APELA: variants seen among roughly 807,000 people sequenced by gnomAD.
APELA encodes the protein protein Elabela.
At chr4:164,889,072 C>T (rs539154732) in intron 2 of APELA, among the ~76,000 whole-genome samples, 4 of 151,946 alleles carry the variant, frequency 2.6e-5, no homozygotes, top group Middle Eastern at 3.4e-3. Context: ...GACGTGATCT[C>T]GCCTCACTGC....
chr4:164,879,692 G>A (rs1730623606), intron 2 of APELA, among the ~76,000 whole-genome samples: 2 of 152,154 alleles, frequency 1.3e-5, no homozygotes, highest in African/African-American at 2.4e-5. Flanking sequence ...TGATCCACCC[G>A]CCTTGGCCTT....
intron 2 of APELA, among the ~76,000 whole-genome samples, chr4:164,892,140 A>G (rs958827911): frequency 1.3e-5 from 2 of 152,024 alleles, no homozygotes; most frequent in Non-Finnish European, 2.9e-5. Flanking sequence ...GCAAAACCCC[A>G]TCTCTGCAAA....
rs967968375 is a variant in APELA at position 164,891,802 on chromosome 4, C to G, written c.*2-3614C>G. On this transcript the variant is annotated intron_variant, in intron 2 of 2. Coordinates refer to ENST00000507152, the MANE Select transcript of APELA (RefSeq NM_001297550.2). ...TTTTTTCTTTTCTTGCCTAAGTGCCCTGATAAGAACCTCCAAAGTAGTTCA... is the reference window on the plus strand; with the variant it reads ...TTTTTTCTTTTCTTGCCTAAGTGCCGTGATAAGAACCTCCAAAGTAGTTCA... 8.5e-5 allele frequency among the ~76,000 whole-genome samples: 13 copies of G among 152,144 alleles called. No homozygotes were observed. The East Asian group carries it at 2.1e-3, about 25-fold the overall frequency.
chr4:164,892,026 T>A (rs1730892451), intron 2 of APELA, among the ~76,000 whole-genome samples: 1 of 152,130 alleles, frequency 6.6e-6, no homozygotes, highest in Non-Finnish European at 1.5e-5. Context: ...AATTATCATG[T>A]GTGGCCAGAT....
chr4:164,878,196 A>AAAAAGAAAGAAAGAAAGAAAGAAAG (rs1553970692), intron 1 of APELA, among the ~76,000 whole-genome samples: 135 of 143,464 alleles, frequency 9.4e-4, no homozygotes, highest in African/African-American at 3.5e-3. Flanking sequence ...AGAAACAGAA[A>AAAAAGAAAGAAAGAAAGAAAGAAAG]AAAGAAAGAA....
rs570047545 is a variant in APELA at position 164,878,747 on chromosome 4, G to A, written c.77-173G>A. Among the ~76,000 whole-genome samples, 152 of 152,272 alleles carry A rather than the reference G, an allele frequency of 1.0e-3. 1 individual carries two copies. The highest frequency in any genetic ancestry group is 3.6e-3 in the African/African-American group (150 of 41,572). On this transcript the variant is annotated intron_variant, in intron 1 of 2. Coordinates refer to ENST00000507152, the MANE Select transcript of APELA (RefSeq NM_001297550.2). ...ATCTTGCTATTAACATTAACTGTTA[G>A]GAACACCCCTTGTGTATATGCATCA...
chr4:164,895,583 G>T lies in APELA; in HGVS notation c.*169G>T, dbSNP rs1435173772. On this transcript the variant is annotated 3_prime_UTR_variant, in exon 3 of 3. Transcript: ENST00000507152. ...CCTGGAATGGTTTATTAGCTTCACAGGATTTTATTCTTCTTGGCTTCTATT... is the reference window on the plus strand; with the variant it reads ...CCTGGAATGGTTTATTAGCTTCACATGATTTTATTCTTCTTGGCTTCTATT... 6.6e-6 allele frequency: 1 copy of T among 152,150 alleles called. No individual in the cohort carries two copies. The highest frequency in any genetic ancestry group is 2.4e-5 in the African/African-American group (1 of 41,426). The allele number at this position is 152,150 out of a possible 1,614,324, so 9.4% of individuals were successfully genotyped here.
Position 164,877,201 on chromosome 4 carries a change from A to G in APELA, c.-131A>G. The stretch of plus-strand genomic sequence containing the variant: ...CTAATGTGATCATTAACCTTCCTGC[A>G]AAACACAGCTGGCAGTTCTCTGAGG... On this transcript the variant is annotated 5_prime_UTR_variant, in exon 1 of 3. Coordinates refer to ENST00000507152, the MANE Select transcript of APELA (RefSeq NM_001297550.2). 2.5e-6 allele frequency: 1 copy of G among 395,190 alleles called. No homozygotes were observed. The highest frequency in any genetic ancestry group is 4.5e-6 in the Non-Finnish European group (1 of 224,002). 24.5% of individuals were successfully genotyped at this position (395,190 alleles called of 1,614,324 possible). A position where few individuals can be genotyped will look rare whatever the true frequency, so the allele number is the denominator to read the frequency against.
chr4:164,878,277 T>C (rs189497930), intron 1 of APELA, among the ~76,000 whole-genome samples: 28 of 151,344 alleles, frequency 1.9e-4, no homozygotes, highest in Admixed American at 1.4e-3. Context: ...AAAAAGGTGG[T>C]AATATTTACA....
In APELA at chr4:164,896,949, T is replaced by G. The variant is rs1281171312; in HGVS notation, c.*1535T>G. 2 of 152,104 alleles carry G rather than the reference T, an allele frequency of 1.3e-5. No homozygotes were observed. The highest frequency in any genetic ancestry group is 6.6e-5 in the Admixed American group (1 of 15,256). 9.4% of individuals were successfully genotyped at this position (152,104 alleles called of 1,614,324 possible). On this transcript the variant is annotated 3_prime_UTR_variant, in exon 3 of 3. Transcript: ENST00000507152. ...CGGCCACACCTGACTAATTTTTGTA[T>G]TTTTTTGTAGAGATGGAGTATCGCC...
downstream of APELA, chr4:164,898,983 A>G (rs906057673): frequency 3.3e-5 from 5 of 152,156 alleles, no homozygotes; most frequent in African/African-American, 1.2e-4. Flanking sequence ...TGAATAAAAC[A>G]TCAAAATTTT....
intron 2 of APELA, among the ~76,000 whole-genome samples, chr4:164,882,427 G>C (rs1408671177): frequency 6.6e-6 from 1 of 151,990 alleles, no homozygotes; most frequent in Admixed American, 6.6e-5. Flanking sequence ...AATAACAATT[G>C]TAATACATCT....
At chr4:164,891,759 C>A (rs1477650821) in intron 2 of APELA, among the ~76,000 whole-genome samples, 1 of 152,064 alleles carries the variant, frequency 6.6e-6, no homozygotes, top group African/African-American at 2.4e-5. Context: ...TTTCTTCTTC[C>A]TTTCTAATCT....
chr4:164,884,650 G>T (rs1730734067), intron 2 of APELA, among the ~76,000 whole-genome samples: 2 of 151,960 alleles, frequency 1.3e-5, no homozygotes. Context: ...GGTGATCATT[G>T]TTGGTAAGTC....
intron 2 of APELA, among the ~76,000 whole-genome samples, chr4:164,886,972 C>T (rs1234021244): frequency 1.3e-5 from 2 of 151,760 alleles, no homozygotes; most frequent in African/African-American, 2.4e-5. Context: ...ATTACAGGCA[C>T]CTGCCACCAG....
downstream of APELA, chr4:164,897,589 G>A (rs1269313570): frequency 1.3e-5 from 2 of 151,876 alleles, no homozygotes; most frequent in African/African-American, 2.4e-5. Context: ...TGGTAGAAAT[G>A]TTCCTGATGC....
intron 2 of APELA, among the ~76,000 whole-genome samples, chr4:164,882,421 A>G (rs1730671372): frequency 6.6e-6 from 1 of 152,148 alleles, no homozygotes; most frequent in South Asian, 2.1e-4. Context: ...CTTTTTAATA[A>G]CAATTGTAAT....
chr4:164,878,473 G>A (rs1730599818), intron 1 of APELA, among the ~76,000 whole-genome samples: 1 of 152,152 alleles, frequency 6.6e-6, no homozygotes, highest in South Asian at 2.1e-4. Flanking sequence ...TTCCAATTCA[G>A]CAACTCTGAG....
intron 2 of APELA, among the ~76,000 whole-genome samples, chr4:164,888,752 T>G (rs62353640): frequency 0.27 from 40,512 of 152,090 alleles, 6,904 homozygotes; most frequent in African/African-American, 0.49. Flanking sequence ...CTTCTATACT[T>G]CTTAAGGTCC....
Sources: allele counts gnomAD v4.1 joint callset (sites outside exome capture counted in the v4.1 genomes callset), GRCh38; gene constraint gnomAD v4.1.1; transcripts MANE v1.5; gene names NCBI Gene and HGNC (gene_info 2026-07-23, HGNC 2026-07-21).